The following WWOX variants were observed in gnomAD, a reference collection of about 807,000 sequenced individuals.
The protein encoded by WWOX is WW domain-containing oxidoreductase.
A neutral mutation model predicts 46.2 loss-of-function variants in WWOX; 69 were observed. The ratio of observed to expected loss-of-function variants is 1.49; its 90% CI spans 1.23 to 1.82. WWOX has a LOEUF of 1.82. Ranked by LOEUF, WWOX falls within the 40% of genes most tolerant of loss-of-function variation. The pLI, the probability that WWOX is intolerant of heterozygous loss-of-function variation, is 0.00. For missense variants in WWOX, 919 were observed against 542.6 expected (o/e 1.69, Z -6.89); for synonymous variants, 359 against 202.6 (o/e 1.77, Z -6.56).
chr16:78,113,298 G>A (rs181403917), intron 3 of WWOX, among the ~76,000 whole-genome samples: 104 of 152,302 alleles, frequency 6.8e-4, no homozygotes, highest in African/African-American at 2.4e-3. Flanking sequence ...AGAGCCTCCC[G>A]TCTAGAGCAG....
chr16:78,293,808 TCTA>T (rs1439076759), intron 5 of WWOX, among the ~76,000 whole-genome samples: 9 of 151,684 alleles, frequency 5.9e-5, no homozygotes, highest in African/African-American at 1.7e-4. Context: ...AAACCCTGTC[TCTA>T]CTAAAAATAC....
chr16:78,633,822 G>C (rs558061493), intron 8 of WWOX, among the ~76,000 whole-genome samples: 13 of 152,280 alleles, frequency 8.5e-5, no homozygotes, highest in African/African-American at 2.6e-4. Context: ...TGCATCAAAC[G>C]GGGATTGGGA....
chr16:78,978,972 C>G (rs1205341035), intron 8 of WWOX, among the ~76,000 whole-genome samples: 1 of 152,168 alleles, frequency 6.6e-6, no homozygotes, highest in Non-Finnish European at 1.5e-5. Flanking sequence ...CTCCCCTACA[C>G]CTTGAAGCAG....
intron 8 of WWOX, among the ~76,000 whole-genome samples, chr16:78,888,566 G>T (rs1393838495): frequency 6.6e-6 from 1 of 152,144 alleles, no homozygotes; most frequent in African/African-American, 2.4e-5. Context: ...GCTTTTGTTT[G>T]TTAGTTTTGA....
At chr16:78,312,956 G>T (rs1186583525) in intron 5 of WWOX, among the ~76,000 whole-genome samples, 1 of 152,178 alleles carries the variant, frequency 6.6e-6, no homozygotes, top group Non-Finnish European at 1.5e-5. Context: ...CCAGCTGCCT[G>T]GTGTACAGGA....
At chr16:78,255,144 A>G (rs544457994) in intron 5 of WWOX, among the ~76,000 whole-genome samples, 3 of 152,224 alleles carry the variant, frequency 2.0e-5, no homozygotes, top group African/African-American at 7.2e-5. Flanking sequence ...GATTTTCTAG[A>G]CCATTTAATG....
chr16:79,076,090 A>G (rs947951640), intron 8 of WWOX, among the ~76,000 whole-genome samples: 3 of 152,218 alleles, frequency 2.0e-5, no homozygotes, highest in African/African-American at 4.8e-5. Context: ...ATTTGAGCCA[A>G]TGATACATTG....
chr16:78,786,083 A>C (rs1030925880), intron 8 of WWOX, among the ~76,000 whole-genome samples: 26 of 151,856 alleles, frequency 1.7e-4, no homozygotes, highest in African/African-American at 6.3e-4. Context: ...ATTGTTTTTG[A>C]ATTTTTAGTA....
At chr16:78,914,809 G>A (rs2045205284) in intron 8 of WWOX, among the ~76,000 whole-genome samples, 1 of 151,480 alleles carries the variant, frequency 6.6e-6, no homozygotes, top group Non-Finnish European at 1.5e-5. Flanking sequence ...AACCCAGGAG[G>A]CGGAGCTTGC....
At chr16:78,540,727 C>T (rs1044277283) in intron 8 of WWOX, among the ~76,000 whole-genome samples, 2 of 151,992 alleles carry the variant, frequency 1.3e-5, no homozygotes, top group Non-Finnish European at 2.9e-5. Context: ...CATTCTGTTG[C>T]CCCGGCTGCA....
intron 5 of WWOX, chr16:78,167,751 G>A (rs1310894823): frequency 6.6e-6 from 1 of 152,298 alleles, no homozygotes; most frequent in East Asian, 1.9e-4. Flanking sequence ...ACCCTGCAGA[G>A]AGGATGTGAA....
intron 8 of WWOX, among the ~76,000 whole-genome samples, chr16:78,951,205 G>C (rs149469530): frequency 6.6e-6 from 1 of 152,288 alleles, no homozygotes; most frequent in South Asian, 2.1e-4. Flanking sequence ...TAAATGGCGC[G>C]GTCATAATTC....
intron 8 of WWOX, among the ~76,000 whole-genome samples, chr16:79,050,645 G>A (rs915094061): frequency 2.6e-5 from 4 of 152,154 alleles, no homozygotes; most frequent in Non-Finnish European, 4.4e-5. Flanking sequence ...ATAAGAAGCT[G>A]CTGAGGAATT....
At chr16:78,894,963 T>C (rs1380543862) in intron 8 of WWOX, among the ~76,000 whole-genome samples, 1 of 152,148 alleles carries the variant, frequency 6.6e-6, no homozygotes, top group Non-Finnish European at 1.5e-5. Flanking sequence ...CCACCCAGGA[T>C]CCACCTCCAC....
intron 8 of WWOX, chr16:78,535,128 C>T (rs1325986012): frequency 6.6e-6 from 1 of 152,258 alleles, no homozygotes; most frequent in South Asian, 2.1e-4. Flanking sequence ...CCAGTGTTGT[C>T]TTTTCCCTGC....
intron 8 of WWOX, among the ~76,000 whole-genome samples, chr16:78,531,418 A>G (rs958453283): frequency 6.6e-6 from 1 of 152,176 alleles, no homozygotes; most frequent in African/African-American, 2.4e-5. Flanking sequence ...AAACAATTGG[A>G]CAGTAAGGAT....
intron 8 of WWOX, among the ~76,000 whole-genome samples, chr16:79,087,053 C>G (rs537327768): frequency 1.3e-5 from 2 of 152,314 alleles, no homozygotes. Flanking sequence ...ATGGACAGCT[C>G]AGATGACCCC....
At chr16:78,723,450 A>G (rs141309495) in intron 8 of WWOX, among the ~76,000 whole-genome samples, 184 of 131,042 alleles carry the variant, frequency 1.4e-3, no homozygotes, top group African/African-American at 5.3e-3. Context: ...TGAAGCCACA[A>G]CAGAAGTCTG....
At chr16:78,980,623 A>G (rs2046661858) in intron 8 of WWOX, among the ~76,000 whole-genome samples, 1 of 152,196 alleles carries the variant, frequency 6.6e-6, no homozygotes, top group South Asian at 2.1e-4. Flanking sequence ...AAGAATGATA[A>G]TACCATGACT....
Sources: allele counts gnomAD v4.1 joint callset (sites outside exome capture counted in the v4.1 genomes callset), GRCh38; gene constraint gnomAD v4.1.1; transcripts MANE v1.5; gene names NCBI Gene and HGNC (gene_info 2026-07-23, HGNC 2026-07-21).